Variants in LUZP2 observed in about 807,000 individuals in gnomAD.
The protein encoded by LUZP2 is leucine zipper protein 2.
Under a neutral mutation model 51.6 loss-of-function variants are expected in LUZP2, and 52 were observed. That is an observed-to-expected ratio of 1.01 (90% CI 0.81 to 1.27). LUZP2 has a LOEUF of 1.27. LUZP2 is among the 50% of genes most tolerant of loss of function. The probability of loss-of-function intolerance (pLI) is 0.00; values close to 1 mark genes in which losing one functional copy is unlikely to be tolerated. For synonymous variants in LUZP2, 154 were observed against 137.3 expected (o/e 1.12, Z -0.85); for missense variants, 436 against 395.4 (o/e 1.10, Z -0.87).
At chr11:24,966,758 T>TCA in intron 7 of LUZP2, among the ~76,000 whole-genome samples, 1 of 147,774 alleles carries the variant, frequency 6.8e-6, no homozygotes, top group South Asian at 2.1e-4. Context: ...ATTATATATT[T>TCA]TATATATATA....
rs7116568 is a variant in LUZP2, at chr11:24,505,453, T to C, written c.62+8148T>C. 9.7e-3 allele frequency among the ~76,000 whole-genome samples: 1,484 copies of C among 152,268 alleles called. 23 individuals carry two copies. Among genetic ancestry groups the C allele is most frequent in the African/African-American group, 0.032 (1,312 of 41,552 alleles). On this transcript the variant is annotated intron_variant, in intron 1 of 11. Coordinates refer to ENST00000336930, the MANE Select transcript of LUZP2 (RefSeq NM_001009909.4). ...GCCATATTTAACAGTGCCTCTCTCATAGATATGTCAAGAGGATTGAATAAG... is the reference window on the plus strand; with the variant it reads ...GCCATATTTAACAGTGCCTCTCTCACAGATATGTCAAGAGGATTGAATAAG...
chr11:24,573,858 GTTTTATTTT>G (rs952528846), intron 1 of LUZP2, among the ~76,000 whole-genome samples: 2 of 96,790 alleles, frequency 2.1e-5, no homozygotes, highest in African/African-American at 3.1e-5. Flanking sequence ...CTGAATTCTT[GTTTTATTTT>G]TTTTATTTTT....
intron 5 of LUZP2, among the ~76,000 whole-genome samples, chr11:24,897,711 A>C (rs1229369149): frequency 6.6e-6 from 1 of 152,226 alleles, no homozygotes; most frequent in Non-Finnish European, 1.5e-5. Flanking sequence ...AGTCAGTGAG[A>C]CCAAGAACCC....
At chr11:24,646,604 A>G in intron 1 of LUZP2, 2 of 984,952 alleles carry the variant, frequency 2.0e-6, no homozygotes, top group Non-Finnish European at 2.4e-6. Flanking sequence ...AGACTGGTTG[A>G]GTTTGTCAGG....
chr11:24,660,323 A>G (rs542948700), intron 1 of LUZP2, among the ~76,000 whole-genome samples: 26 of 152,164 alleles, frequency 1.7e-4, no homozygotes, highest in Non-Finnish European at 3.1e-4. Context: ...GACAACTTTC[A>G]TGATTTTAAT....
At chr11:24,807,993 T>A (rs1382046454) in intron 5 of LUZP2, among the ~76,000 whole-genome samples, 3 of 152,150 alleles carry the variant, frequency 2.0e-5, no homozygotes, top group Non-Finnish European at 4.4e-5. Flanking sequence ...TGGGGTGTGA[T>A]TCTGTAGGAG....
chr11:24,717,375 G>T (rs559289786), intron 1 of LUZP2, among the ~76,000 whole-genome samples: 40 of 150,684 alleles, frequency 2.7e-4, no homozygotes, highest in Non-Finnish European at 5.5e-4. Flanking sequence ...TTGTTGTACA[G>T]ATTATTTCAT....
chr11:24,703,154 T>A (rs1267962692), intron 1 of LUZP2, among the ~76,000 whole-genome samples: 1 of 152,182 alleles, frequency 6.6e-6, no homozygotes, highest in Non-Finnish European at 1.5e-5. Flanking sequence ...CCTTAAGCCA[T>A]TATCTTACTG....
intron 1 of LUZP2, among the ~76,000 whole-genome samples, chr11:24,718,473 A>G (rs1858140447): frequency 6.6e-6 from 1 of 152,206 alleles, no homozygotes; most frequent in South Asian, 2.1e-4. Flanking sequence ...TAACAGGTAA[A>G]TAAGGATGTC....
chr11:24,504,641 C>G (rs1590111883), intron 1 of LUZP2, among the ~76,000 whole-genome samples: 1 of 152,046 alleles, frequency 6.6e-6, no homozygotes, highest in Admixed American at 6.6e-5. Context: ...TATTACTATA[C>G]ATAGATATGA....
intron 1 of LUZP2, among the ~76,000 whole-genome samples, chr11:24,618,003 GCC>G (rs1285757869): frequency 6.6e-6 from 1 of 152,024 alleles, no homozygotes; most frequent in African/African-American, 2.4e-5. Context: ...TATTACTACT[GCC>G]AGATAGTGGA....
intron 5 of LUZP2, among the ~76,000 whole-genome samples, chr11:24,837,551 TTG>T (rs1258769119): frequency 6.6e-6 from 1 of 151,708 alleles, no homozygotes; most frequent in Non-Finnish European, 1.5e-5. Context: ...TTAAAATAAC[TTG>T]TGGAAGAGTA....
At chr11:24,869,840 G>A (rs1213652968) in intron 5 of LUZP2, among the ~76,000 whole-genome samples, 3 of 152,050 alleles carry the variant, frequency 2.0e-5, no homozygotes, top group African/African-American at 7.2e-5. Flanking sequence ...AGAAAGAGTC[G>A]CAAGTCTCTT....
intron 5 of LUZP2, among the ~76,000 whole-genome samples, chr11:24,789,257 A>G (rs577236438): frequency 9.9e-5 from 15 of 152,244 alleles, no homozygotes; most frequent in African/African-American, 3.6e-4. Flanking sequence ...TGAGGTCAAT[A>G]TATGTTTATC....
chr11:24,774,187 C>A (rs1848835728), intron 5 of LUZP2, among the ~76,000 whole-genome samples: 2 of 151,660 alleles, frequency 1.3e-5, no homozygotes, highest in Middle Eastern at 3.4e-3. Context: ...ACATCTTTCT[C>A]CTGTGCTGGA....
At chr11:24,906,771 T>C (rs1324933241) in intron 6 of LUZP2, among the ~76,000 whole-genome samples, 1 of 152,062 alleles carries the variant, frequency 6.6e-6, no homozygotes, top group African/African-American at 2.4e-5. Context: ...CTAAGATATA[T>C]TAAATGTGCG....
intron 4 of LUZP2, among the ~76,000 whole-genome samples, chr11:24,759,186 G>T (rs1252012938): frequency 6.6e-6 from 1 of 151,994 alleles, no homozygotes; most frequent in Admixed American, 6.6e-5. Flanking sequence ...TAATTTTTAT[G>T]GCTTAACTTG....
At chr11:24,892,041 G>C (rs1852871422) in intron 5 of LUZP2, 1 of 985,488 alleles carries the variant, frequency 1.0e-6, no homozygotes, top group South Asian at 4.7e-5. Flanking sequence ...TGTATTCCAG[G>C]CTGGTTGGCT....
At chr11:24,841,765 A>G (rs923054739) in intron 5 of LUZP2, among the ~76,000 whole-genome samples, 2 of 152,138 alleles carry the variant, frequency 1.3e-5, no homozygotes, top group East Asian at 1.9e-4. Context: ...CTAGCAGGTT[A>G]GAGTTGCTAA....
Sources: gnomAD v4.1 joint callset for allele counts (sites outside exome capture counted in the v4.1 genomes callset) on GRCh38, gnomAD v4.1.1 for gene constraint, MANE v1.5 for transcripts, NCBI Gene and HGNC (gene_info 2026-07-23, HGNC 2026-07-21) for gene names.